Variants in MAGI2 observed in about 807,000 individuals in gnomAD.
The protein encoded by MAGI2 is membrane associated guanylate kinase, WW and PDZ domain containing 2.
Under a neutral mutation model 133.3 loss-of-function variants are expected in MAGI2, and 35 were observed. That is an observed-to-expected ratio of 0.26 (90% confidence interval 0.20 to 0.35). The LOEUF is 0.35. MAGI2 is among the 10% of genes least tolerant of loss of function. The pLI is 1.00. For missense variants in MAGI2, 1,636 were observed against 1,863.4 expected (o/e 0.88, Z 2.25); for synonymous variants, 729 against 710.6 (o/e 1.03, Z -0.41).
chr7:78,736,536 T>C (rs1290258392), intron 2 of MAGI2, among the ~76,000 whole-genome samples: 2 of 152,340 alleles, frequency 1.3e-5, no homozygotes, highest in East Asian at 3.9e-4. Context: ...CTAGAATAGA[T>C]GTTCTTAACA....
At chr7:78,558,841 T>C (rs980482846) in intron 3 of MAGI2, among the ~76,000 whole-genome samples, 1 of 149,000 alleles carries the variant, frequency 6.7e-6, no homozygotes, top group Non-Finnish European at 1.5e-5. Flanking sequence ...GACACCGTTT[T>C]TTTTTTTTTT....
chr7:78,811,145 A>G (rs1483804516), intron 2 of MAGI2, among the ~76,000 whole-genome samples: 4 of 151,878 alleles, frequency 2.6e-5, no homozygotes, highest in Non-Finnish European at 4.4e-5. Context: ...GAATTTTCCA[A>G]TAAGAAAAGC....
intron 2 of MAGI2, among the ~76,000 whole-genome samples, chr7:79,001,348 T>C (rs1806835951): frequency 6.6e-6 from 1 of 152,352 alleles, no homozygotes; most frequent in Non-Finnish European, 1.5e-5. Flanking sequence ...TCTCACCAAA[T>C]GACAAAGAAC....
chr7:78,737,245 G>C (rs1821948631), intron 2 of MAGI2, among the ~76,000 whole-genome samples: 1 of 152,148 alleles, frequency 6.6e-6, no homozygotes, highest in Non-Finnish European at 1.5e-5. Flanking sequence ...CAAAATTAAA[G>C]AGGTAACTGT....
chr7:78,930,635 G>T (rs914320184), intron 2 of MAGI2, among the ~76,000 whole-genome samples: 4 of 152,032 alleles, frequency 2.6e-5, no homozygotes, highest in East Asian at 1.9e-4. Flanking sequence ...AAACATAAGA[G>T]AATCCATTCA....
At chr7:78,338,328 C>T (rs1789991670) in intron 9 of MAGI2, among the ~76,000 whole-genome samples, 1 of 152,188 alleles carries the variant, frequency 6.6e-6, no homozygotes, top group Non-Finnish European at 1.5e-5. Flanking sequence ...CCATGATCTT[C>T]CTCACTTGTC....
intron 1 of MAGI2, among the ~76,000 whole-genome samples, chr7:79,111,908 C>T (rs1818960328): frequency 6.6e-6 from 1 of 151,222 alleles, no homozygotes; most frequent in South Asian, 2.1e-4. Flanking sequence ...ACCTCGTGAT[C>T]CGCCCCTCTC....
chr7:78,769,076 G>A (rs918296568), intron 2 of MAGI2, among the ~76,000 whole-genome samples: 1 of 152,146 alleles, frequency 6.6e-6, no homozygotes, highest in Admixed American at 6.5e-5. Context: ...TCCCTGCTCA[G>A]TACAGGAATT....
At chr7:78,628,376 A>C (rs1382621058) in intron 2 of MAGI2, among the ~76,000 whole-genome samples, 1 of 152,158 alleles carries the variant, frequency 6.6e-6, no homozygotes, top group Non-Finnish European at 1.5e-5. Flanking sequence ...TATGCTAAAA[A>C]AGTATTTTAA....
At chr7:78,281,209 C>T (rs979378656) in intron 9 of MAGI2, among the ~76,000 whole-genome samples, 4 of 152,048 alleles carry the variant, frequency 2.6e-5, no homozygotes, top group Non-Finnish European at 5.9e-5. Context: ...TGTTGTTATT[C>T]ATTCATGATC....
At chr7:78,636,526 C>T (rs1292122516) in intron 2 of MAGI2, among the ~76,000 whole-genome samples, 2 of 152,202 alleles carry the variant, frequency 1.3e-5, no homozygotes, top group South Asian at 2.1e-4. Flanking sequence ...AGGCCGGGCG[C>T]TGTGGCTCAC....
At chr7:78,542,877 A>C (rs957953339) in intron 3 of MAGI2, among the ~76,000 whole-genome samples, 1 of 152,210 alleles carries the variant, frequency 6.6e-6, no homozygotes, top group East Asian at 1.9e-4. Flanking sequence ...CGCTGTGGAA[A>C]ACAGATTTGG....
At chr7:78,251,893 A>AGC (rs1292639785) in intron 10 of MAGI2, 1 of 147,442 alleles carries the variant, frequency 6.8e-6, no homozygotes, top group African/African-American at 2.6e-5. Context: ...CTGTAATCCC[A>AGC]ACTTTGGCGG....
chr7:79,318,834 A>G (rs749151772), intron 1 of MAGI2, among the ~76,000 whole-genome samples: 12 of 152,154 alleles, frequency 7.9e-5, no homozygotes, highest in Non-Finnish European at 1.5e-5. Flanking sequence ...TCTACTTACC[A>G]TCAGTTCAAG....
At chr7:78,685,600 G>C (rs1397670403) in intron 2 of MAGI2, among the ~76,000 whole-genome samples, 1 of 151,336 alleles carries the variant, frequency 6.6e-6, no homozygotes, top group Non-Finnish European at 1.5e-5. Flanking sequence ...AAAAGCACAC[G>C]TGGTTCCTTT....
intron 2 of MAGI2, among the ~76,000 whole-genome samples, chr7:78,886,208 G>C (rs1331958818): frequency 2.0e-5 from 3 of 152,166 alleles, no homozygotes; most frequent in Non-Finnish European, 4.4e-5. Flanking sequence ...CAACTGAAAG[G>C]AAGCAATTAG....
intron 1 of MAGI2, among the ~76,000 whole-genome samples, chr7:79,292,769 G>GAAAAAA (rs1836596082): frequency 5.3e-4 from 6 of 11,292 alleles, no homozygotes; most frequent in East Asian, 5.2e-3. Context: ...GTCAATTTCT[G>GAAAAAA]CAAAAAAAAA....
chr7:79,380,225 A>G (rs1319731070), intron 1 of MAGI2, among the ~76,000 whole-genome samples: 1 of 151,908 alleles, frequency 6.6e-6, no homozygotes, highest in African/African-American at 2.4e-5. Context: ...ACAGAATGGG[A>G]GAAAATTTTT....
chr7:78,398,373 T>A (rs1317103345), intron 6 of MAGI2, among the ~76,000 whole-genome samples: 4 of 152,158 alleles, frequency 2.6e-5, no homozygotes, highest in Non-Finnish European at 4.4e-5. Context: ...TCATATCAAC[T>A]GTCTAGAAAA....
Sources: allele counts gnomAD v4.1 joint callset (sites outside exome capture counted in the v4.1 genomes callset), GRCh38; gene constraint gnomAD v4.1.1; transcripts MANE v1.5; gene names NCBI Gene and HGNC (gene_info 2026-07-23, HGNC 2026-07-21).